GFRA3: variants seen among roughly 807,000 people sequenced by gnomAD.
The protein encoded by GFRA3 is GDNF family receptor alpha-3.
Under a neutral mutation model 40.0 loss-of-function variants are expected in GFRA3, and 24 were observed. The observed-to-expected ratio is 0.60, with a 90% CI of 0.43 to 0.84. GFRA3 has a LOEUF of 0.84. GFRA3 is among the 40% of genes least tolerant of loss of function. The pLI, the probability that GFRA3 is intolerant of heterozygous loss-of-function variation, is 0.00. For synonymous variants in GFRA3, 203 were observed against 213.5 expected, an observed-to-expected ratio of 0.95 and a Z score of 0.43; for missense variants, 405 against 530.6, an observed-to-expected ratio of 0.76 and a Z score of 2.33.
chr5:138,264,181 G>C, intron 2 of GFRA3, 80 bp downstream of exon 2: 1 of 989,524 alleles, frequency 1.0e-6, no homozygotes, highest in East Asian at 2.4e-5. Flanking sequence ...CTACCATGTG[G>C]CCCATATCCT....
rs780584955 is a variant in GFRA3, at chr5:138,252,930, G to T, written c.*38C>A. 8 of 1,100,966 alleles carry T rather than the reference G, an allele frequency of 7.3e-6. No individual in the cohort carries two copies. The Admixed American group carries it at 1.2e-4, about 17-fold the overall frequency. 68.2% of individuals were successfully genotyped at this position (1,100,966 alleles called of 1,614,324 possible). A position where few individuals can be genotyped will look rare whatever the true frequency, so the allele number is the denominator to read the frequency against. On this transcript the variant is annotated 3_prime_UTR_variant, in exon 8 of 8. Coordinates refer to ENST00000274721, the MANE Select transcript of GFRA3 (RefSeq NM_001496.4). ...CCCTTGTGGGCTGCAAGTCCACCTG[G>T]GTGTGGTGGAGGGGAAGAGGGCCCT... is the stretch of plus-strand genomic sequence containing the variant.
chr5:138,253,146 C>T, intron 7 of GFRA3, 89 bp from the exon 8 acceptor site: 1 of 858,790 alleles, frequency 1.2e-6, no homozygotes, highest in African/African-American at 1.6e-5. Context: ...TTCCCCTTCC[C>T]CTGAGGTATC....
At chr5:138,256,355 C>T (rs1426079455) in intron 4 of GFRA3, among the ~76,000 whole-genome samples, 1 of 151,206 alleles carries the variant, frequency 6.6e-6, no homozygotes, top group Non-Finnish European at 1.5e-5. Flanking sequence ...GGTGAAACCC[C>T]GTCTCTACTA....
chr5:138,254,169 A>T lies in GFRA3; in HGVS notation c.786-9T>A. On this transcript the variant is annotated splice_polypyrimidine_tract_variant and intron_variant, in intron 4 of 7. Coordinates refer to ENST00000274721, the MANE Select transcript of GFRA3 (RefSeq NM_001496.4). ...AATCCACCAGGCGTGATCTGGAAGA[A>T]GGGAAATTTCTGTCTTTCTTTTTTT... is the stretch of plus-strand genomic sequence containing the variant. The T allele has an allele frequency of 6.7e-7, 1 of 1,483,630 alleles. No homozygotes were observed. The highest frequency in any genetic ancestry group is 9.4e-7 in the Non-Finnish European group (1 of 1,068,480). 91.9% of individuals were successfully genotyped at this position (1,483,630 alleles called of 1,614,324 possible). A position where few individuals can be genotyped will look rare whatever the true frequency, so the allele number is the denominator to read the frequency against.
intron 1 of GFRA3, 126 bp from the exon 2 acceptor site, chr5:138,264,674 G>A (rs1189805114): frequency 3.2e-6 from 2 of 634,590 alleles, no homozygotes; most frequent in Non-Finnish European, 2.7e-6. Context: ...TAGCACAAAA[G>A]GCCTTTAAGA....
At chr5:138,258,097 C>T in intron 3 of GFRA3, 146 bp from the exon 4 acceptor site, 2 of 682,218 alleles carry the variant, frequency 2.9e-6, no homozygotes, top group Non-Finnish European at 5.2e-6. Context: ...AAACCCACTC[C>T]TAATCCAGGG....
rs771032180 is a variant in GFRA3, at chr5:138,264,295, G to A, written c.345C>T (p.Asp115=). The A allele has an allele frequency of 6.2e-7, 1 of 1,611,036 alleles. No individual in the cohort carries two copies. Among genetic ancestry groups the A allele is most frequent in the Non-Finnish European group, 8.5e-7 (1 of 1,177,530 alleles). ...GGGCACGGTGAACGGTCCAATAGAT[G>A]TCCAAGCAGGCAACCTGGTTCTTCA... The part of the protein sequence containing the change: ...RRMKNQVACL[D]IYWTVHRARS... The change falls in exon 2 of 8, where the codon GAC becomes GAT. Residue 115 remains aspartate (D), a synonymous_variant. Coordinates refer to ENST00000274721, the MANE Select transcript of GFRA3 (RefSeq NM_001496.4).
chr5:138,268,332 T>A (rs1581513708), intron 1 of GFRA3, among the ~76,000 whole-genome samples: 2 of 66,088 alleles, frequency 3.0e-5, no homozygotes, highest in African/African-American at 1.1e-4. Flanking sequence ...ATAAAAATTA[T>A]AGAAGATAAC....
At chr5:138,268,390 C>A in intron 1 of GFRA3, among the ~76,000 whole-genome samples, 2 of 131,902 alleles carry the variant, frequency 1.5e-5, no homozygotes, top group African/African-American at 2.9e-5. Context: ...ATTTCATGAC[C>A]AAAACCCAAA....
chr5:138,254,206 G>A, intron 4 of GFRA3, 46 bp from the exon 5 acceptor site: 1 of 1,067,552 alleles, frequency 9.4e-7, no homozygotes, highest in Middle Eastern at 2.1e-4. Context: ...TTTTTTTTGA[G>A]ATGATGTCTC....
At chr5:138,262,703 C>CT in intron 2 of GFRA3, among the ~76,000 whole-genome samples, 1 of 152,238 alleles carries the variant, frequency 6.6e-6, no homozygotes, top group Non-Finnish European at 1.5e-5. Flanking sequence ...ATACTCCCGC[C>CT]TTGGCCTCCC....
In GFRA3 at chr5:138,274,346, G is replaced by T; in HGVS notation, c.79C>A (p.Pro27Thr). The T allele has an allele frequency of 7.4e-7, 1 of 1,344,600 alleles. No homozygotes were observed. The highest frequency in any genetic ancestry group is 2.8e-5 in the East Asian group (1 of 35,322). 83.3% of individuals were successfully genotyped at this position (1,344,600 alleles called of 1,614,324 possible). A position where few individuals can be genotyped will look rare whatever the true frequency, so the allele number is the denominator to read the frequency against. Reference sequence around the variant, plus strand: ...CTCTGACACTCACCGGCTGCGAGAGGCAGCGGCGACGGCGGCAGCAGCAGC... The same window carrying T: ...CTCTGACACTCACCGGCTGCGAGAGTCAGCGGCGACGGCGGCAGCAGCAGC... ...LLLLLPPSPL[P>T]LAAGDPLPTE... is the part of the protein sequence containing the mutation. The change falls in exon 1 of 8, where the codon CCT (proline) becomes ACT (threonine). Residue 27 changes from proline (P) to threonine (T), a missense_variant. Transcript: ENST00000274721.
At position 138,264,439 on chromosome 5, in the gene GFRA3, G is replaced by A. The variant is rs1421721038; in HGVS notation, c.201C>T (p.Cys67=). The A allele has an allele frequency of 6.2e-7, 1 of 1,613,916 alleles. No individual in the cohort carries two copies. The highest frequency in any genetic ancestry group is 1.3e-5 in the African/African-American group (1 of 74,922). The change falls in exon 2 of 8, where the codon TGC becomes TGT. Residue 67 remains cysteine (C), a synonymous_variant. Transcript: ENST00000274721. Reference sequence around the variant, plus strand: ...GCAGTGGGGTGCTTATGCTAGAGGTGCAGGAATCCAGGTGGTGGTAGGCAG... The same window carrying A: ...GCAGTGGGGTGCTTATGCTAGAGGTACAGGAATCCAGGTGGTGGTAGGCAG... ...CSAAYHHLDS[C]TSSISTPLPS... is the part of the protein sequence containing the mutation.
Position 138,252,980 on chromosome 5 carries a change from C to A in GFRA3, c.1191G>T (p.Leu397=). ...FSCTLPLILL[L]SLW ...TGGGGAAGTCCAGCTACCATAGGCT[C>A]AGGAGCAGAATCAAGGGAAGCGTGC... The change falls in exon 8 of 8, where the codon CTG becomes CTT. Residue 397 remains leucine (L), a synonymous_variant. Transcript: ENST00000274721. 1 of 1,598,752 alleles carries A rather than the reference C, an allele frequency of 6.3e-7. No homozygotes were observed. The highest frequency in any genetic ancestry group is 1.3e-5 in the African/African-American group (1 of 74,738).
Position 138,274,439 on chromosome 5 carries a change from G to A in GFRA3, c.-15C>T. 1.5e-6 allele frequency: 2 copies of A among 1,292,102 alleles called. No individual in the cohort carries two copies. Among genetic ancestry groups the A allele is most frequent in the African/African-American group, 1.5e-5 (1 of 65,176 alleles). The allele number at this position is 1,292,102 out of a possible 1,614,324, so 80.0% of individuals were successfully genotyped here. On this transcript the variant is annotated 5_prime_UTR_variant, in exon 1 of 8. Coordinates refer to ENST00000274721, the MANE Select transcript of GFRA3 (RefSeq NM_001496.4). The stretch of plus-strand genomic sequence containing the variant: ...GGGCGCACCATGGCGAGCTGTAGGC[G>A]CCGGGCTCCGCGCTCCCCTCGCTCC...
intron 7 of GFRA3, 48 bp downstream of exon 7, chr5:138,253,239 C>A: frequency 7.6e-7 from 1 of 1,310,442 alleles, no homozygotes; most frequent in East Asian, 2.5e-5. Context: ...TGGGTTTTCC[C>A]CAGCCGGCCC....
chr5:138,268,635 A>G (rs957684377), intron 1 of GFRA3, among the ~76,000 whole-genome samples: 1 of 152,180 alleles, frequency 6.6e-6, no homozygotes, highest in African/African-American at 2.4e-5. Flanking sequence ...TCATGCCCGT[A>G]ATTGCAGCAC....
In GFRA3 at chr5:138,257,793, GGGGCTCGGCGGC is replaced by G; in HGVS notation, c.619_630del (p.Ala207_Pro210del). ...GGGCACAGTAGCAGGCCCTGCGCGT[GGGGCTCGGCGGC>G]CTTCTCGAAGAAAGTGAGCAGCTGC... On this transcript the variant is annotated inframe_deletion, in exon 4 of 8. Transcript: ENST00000274721. 1 of 1,612,932 alleles carries G rather than the reference GGGGCTCGGCGGC, an allele frequency of 6.2e-7. No homozygotes were observed. Among genetic ancestry groups the G allele is most frequent in the Non-Finnish European group, 8.5e-7 (1 of 1,179,472 alleles).
chr5:138,253,631 G>C, intron 6 of GFRA3, 135 bp downstream of exon 6: 1 of 824,822 alleles, frequency 1.2e-6, no homozygotes, highest in South Asian at 1.7e-5. Flanking sequence ...CTATGGCAAT[G>C]AAAGCCTATG....
Sources: gnomAD v4.1 joint callset for allele counts (sites outside exome capture counted in the v4.1 genomes callset) on GRCh38, gnomAD v4.1.1 for gene constraint, MANE v1.5 for transcripts, NCBI Gene and HGNC (gene_info 2026-07-23, HGNC 2026-07-21) for gene names.